The following PACRGL variants were observed in gnomAD, a reference collection of about 807,000 sequenced individuals.
PACRGL encodes PACRG-like protein.
In PACRGL, 38 loss-of-function variants were observed where a neutral mutation model predicts 34.5. That is an observed-to-expected ratio of 1.10 (90% CI 0.85 to 1.44). The LOEUF (loss-of-function observed/expected upper bound fraction) is 1.44. Ranked by LOEUF, PACRGL falls within the 40% of genes most tolerant of loss-of-function variation. The pLI is 0.00. For synonymous variants in PACRGL, 128 were observed against 100.1 expected (o/e 1.28, Z -1.66); for missense variants, 305 against 281.4 (o/e 1.08, Z -0.60).
At chr4:20,719,044 C>A (rs981364392) in intron 7 of PACRGL, 1 of 152,196 alleles carries the variant, frequency 6.6e-6, no homozygotes, top group Non-Finnish European at 1.5e-5. Context: ...CACCTTCTTC[C>A]TGGTTTAGTC....
chr4:20,735,291 G>T (rs936419679), downstream of PACRGL, among the ~76,000 whole-genome samples: 2 of 152,066 alleles, frequency 1.3e-5, no homozygotes, highest in Non-Finnish European at 2.9e-5. Context: ...GTGTCTTCAG[G>T]CAACTTAACA....
rs566046773 is a variant in PACRGL, at chr4:20,706,776, G to C, written c.208-1027G>C. 9.1e-4 allele frequency among the ~76,000 whole-genome samples: 138 copies of C among 151,984 alleles called. 1 individual carries two copies. Among genetic ancestry groups the C allele is most frequent in the Non-Finnish European group, 7.5e-4 (51 of 67,938 alleles). On this transcript the variant is annotated intron_variant, in intron 3 of 8. Coordinates refer to ENST00000503585, the MANE Select transcript of PACRGL (RefSeq NM_001258345.3). ...TTTTTAGTAGAGATGGGGTTTCACC[G>C]TGTTAGCCAGGATGGTCTCGATCTC...
At chr4:20,709,935 C>T (rs1736332281) in intron 5 of PACRGL, 162 bp downstream of exon 5, 1 of 538,810 alleles carries the variant, frequency 1.9e-6, no homozygotes. Context: ...AATTATGATT[C>T]TTATATAGTT....
chr4:20,753,495 G>A (rs1306431438), downstream of PACRGL, among the ~76,000 whole-genome samples: 4 of 152,084 alleles, frequency 2.6e-5, no homozygotes, highest in African/African-American at 7.2e-5. Flanking sequence ...CCTAGAGTTC[G>A]TTCTTCATAG....
intron 8 of PACRGL, among the ~76,000 whole-genome samples, chr4:20,743,665 C>G (rs965283701): frequency 4.6e-5 from 7 of 152,086 alleles, no homozygotes; most frequent in Non-Finnish European, 1.0e-4. Context: ...ACCATAAAAA[C>G]CCTAGAAGAA....
At chr4:20,758,676 A>C in the PACRGL span, 1 of 636,694 alleles carries the variant, frequency 1.6e-6, no homozygotes, top group Non-Finnish European at 2.7e-6. Context: ...TGGTACATTA[A>C]AAATTATATA....
intron 8 of PACRGL, among the ~76,000 whole-genome samples, chr4:20,749,326 A>G (rs1385243190): frequency 2.0e-5 from 3 of 152,064 alleles, no homozygotes; most frequent in Non-Finnish European, 4.4e-5. Context: ...TGACTTTATC[A>G]TCTTTGTATT....
chr4:20,715,021 A>G (rs1057159744), intron 7 of PACRGL, among the ~76,000 whole-genome samples: 1 of 152,210 alleles, frequency 6.6e-6, no homozygotes, highest in African/African-American at 2.4e-5. Context: ...CTTGGAACCA[A>G]CCCAAATGTC....
chr4:20,758,815 A>G, the PACRGL span: 43 of 1,608,020 alleles, frequency 2.7e-5, no homozygotes, highest in Admixed American at 5.0e-5. Context: ...CCACATTTGT[A>G]CTTACCTCCC....
chr4:20,732,921 T>A (rs1235343832), downstream of PACRGL: 6 of 591,132 alleles, frequency 1.0e-5, 1 homozygote, highest in Non-Finnish European at 1.8e-5. Flanking sequence ...AGACGACTGT[T>A]GGTTGTCCCA....
chr4:20,746,897 T>C (rs1004507177), intron 8 of PACRGL, among the ~76,000 whole-genome samples: 4 of 152,160 alleles, frequency 2.6e-5, no homozygotes, highest in African/African-American at 7.2e-5. Flanking sequence ...CAGTATGCTA[T>C]TGCTATTATT....
At position 20,731,182 on chromosome 4, in the gene PACRGL, G is replaced by C. The variant is rs1748065288; in HGVS notation, c.*3841G>C. The stretch of plus-strand genomic sequence containing the variant: ...TCAACAGGGATCAAGTGATCTTCCT[G>C]CCTCAGCCTCCCAAGTAGCTGAGAC... On this transcript the variant is annotated 3_prime_UTR_variant, in exon 9 of 9. Coordinates refer to ENST00000503585, the MANE Select transcript of PACRGL (RefSeq NM_001258345.3). 2 of 154,290 alleles carry C rather than the reference G, an allele frequency of 1.3e-5. No individual in the cohort carries two copies. The highest frequency in any genetic ancestry group is 1.4e-5 in the Non-Finnish European group (1 of 70,082). The allele number at this position is 154,290 out of a possible 1,614,324, so 9.6% of individuals were successfully genotyped here.
intron 8 of PACRGL, among the ~76,000 whole-genome samples, chr4:20,751,336 A>G (rs1006892798): frequency 6.6e-6 from 1 of 152,192 alleles, no homozygotes; most frequent in Non-Finnish European, 1.5e-5. Context: ...TCTTTTGCAT[A>G]TGGAGCCAGG....
At chr4:20,744,122 G>A (rs1751851263) in intron 8 of PACRGL, among the ~76,000 whole-genome samples, 1 of 152,090 alleles carries the variant, frequency 6.6e-6, no homozygotes, top group Admixed American at 6.6e-5. Context: ...AACAGATGCT[G>A]GAGAGGATGT....
upstream of PACRGL, among the ~76,000 whole-genome samples, chr4:20,699,553 T>C (rs561452247): frequency 1.3e-5 from 2 of 152,292 alleles, no homozygotes; most frequent in Admixed American, 6.5e-5. Context: ...TGAAGATGCT[T>C]CTGGGGTGCT....
chr4:20,749,149 C>A (rs1385276403), intron 8 of PACRGL, among the ~76,000 whole-genome samples: 5 of 88,014 alleles, frequency 5.7e-5, no homozygotes, highest in Non-Finnish European at 1.2e-4. Flanking sequence ...CAGAGCGAGA[C>A]TCTTTCAAAA....
chr4:20,735,446 G>A (rs889768694), downstream of PACRGL, among the ~76,000 whole-genome samples: 1 of 152,004 alleles, frequency 6.6e-6, no homozygotes, highest in African/African-American at 2.4e-5. Context: ...TAAGTAAATG[G>A]AGCCCTCAGT....
At chr4:20,701,615 G>A (rs1732199835) in intron 1 of PACRGL, 2 of 287,484 alleles carry the variant, frequency 7.0e-6, no homozygotes, top group Non-Finnish European at 1.4e-5. Flanking sequence ...GATTTTTAAA[G>A]CTTGCTTTCA....
At chr4:20,765,081 GTTAT>G in the PACRGL span, among the ~76,000 whole-genome samples, 284 of 152,282 alleles carry the variant, frequency 1.9e-3, no homozygotes, top group Non-Finnish European at 3.4e-3. Flanking sequence ...TCAATAAGTA[GTTAT>G]TTAATGCCTT....
Sources: allele counts gnomAD v4.1 joint callset (sites outside exome capture counted in the v4.1 genomes callset), GRCh38; gene constraint gnomAD v4.1.1; transcripts MANE v1.5; gene names NCBI Gene and HGNC (gene_info 2026-07-23, HGNC 2026-07-21).